The following GPC5 variants were observed in gnomAD, a reference collection of about 807,000 sequenced individuals.
GPC5 encodes the protein glypican 5.
A neutral mutation model predicts 53.9 loss-of-function variants in GPC5; 47 were observed. The observed-to-expected ratio is 0.87, with a 90% CI of 0.69 to 1.11. The LOEUF is 1.11. Ranked by LOEUF, GPC5 falls within the 50% of genes most tolerant of loss-of-function variation. The pLI is 0.00. For synonymous variants in GPC5, 286 were observed against 263.3 expected (o/e 1.09, Z -0.84); for missense variants, 748 against 713.1 (o/e 1.05, Z -0.56).
At chr13:92,563,455 A>T (rs528204334) in intron 7 of GPC5, among the ~76,000 whole-genome samples, 1 of 151,960 alleles carries the variant, frequency 6.6e-6, no homozygotes, top group Non-Finnish European at 1.5e-5. Context: ...TTTAACTTGC[A>T]TGAAATATAA....
chr13:92,730,018 T>C (rs1888756382), intron 7 of GPC5, among the ~76,000 whole-genome samples: 1 of 151,378 alleles, frequency 6.6e-6, no homozygotes, highest in Non-Finnish European at 1.5e-5. Flanking sequence ...GAAATAGAAA[T>C]ATAAACGAAT....
chr13:92,211,419 GC>G (rs1227252135), intron 7 of GPC5, among the ~76,000 whole-genome samples: 3 of 152,182 alleles, frequency 2.0e-5, no homozygotes, highest in Non-Finnish European at 1.5e-5. Flanking sequence ...AGTTGATTCT[GC>G]CCTCAGTTCT....
intron 6 of GPC5, among the ~76,000 whole-genome samples, chr13:92,051,247 G>T (rs901716605): frequency 1.1e-4 from 16 of 139,944 alleles, no homozygotes; most frequent in African/African-American, 2.7e-5. Flanking sequence ...CTGTCACCAG[G>T]CTGGAGTGCA....
At chr13:92,664,068 T>A (rs1886487759) in intron 7 of GPC5, among the ~76,000 whole-genome samples, 1 of 151,296 alleles carries the variant, frequency 6.6e-6, no homozygotes, top group African/African-American at 2.4e-5. Context: ...TGAGGCTCTG[T>A]CTAAAACAAA....
intron 6 of GPC5, among the ~76,000 whole-genome samples, chr13:92,004,251 C>G (rs1274483824): frequency 6.6e-6 from 1 of 151,390 alleles, no homozygotes; most frequent in Non-Finnish European, 1.5e-5. Flanking sequence ...TGGAGACCAT[C>G]CTGGCCAACA....
At chr13:92,337,520 A>T (rs937223788) in intron 7 of GPC5, among the ~76,000 whole-genome samples, 1 of 152,184 alleles carries the variant, frequency 6.6e-6, no homozygotes, top group Non-Finnish European at 1.5e-5. Context: ...GAAAGAGAAC[A>T]AAGTTGGAGA....
At chr13:91,665,796 C>T (rs2035098019) in intron 2 of GPC5, among the ~76,000 whole-genome samples, 1 of 152,162 alleles carries the variant, frequency 6.6e-6, no homozygotes, top group African/African-American at 2.4e-5. Flanking sequence ...TGAGCCAAGG[C>T]GCCTGGCCAA....
In GPC5 at chr13:92,347,919, ATATAT is replaced by A. The variant is rs1470182746; in HGVS notation, c.1561+202936_1561+202940del. Among the ~76,000 whole-genome samples the A allele has an allele frequency of 2.3e-4, 4 of 17,470 alleles. No individual in the cohort carries two copies. In the African/African-American group the frequency reaches 3.7e-3, roughly 16 times the overall value. The allele number at this position is 17,470 out of a possible 152,430, so 11.5% of individuals were successfully genotyped here. A position where few individuals can be genotyped will look rare whatever the true frequency, so the allele number is the denominator to read the frequency against. ...TATATATAATATATATATAATATAT[ATATAT>A]TATATATACATCTTATATGTAAACC... On this transcript the variant is annotated intron_variant, in intron 7 of 7. Transcript: ENST00000377067.
chr13:92,508,368 C>A (rs1880448939), intron 7 of GPC5, among the ~76,000 whole-genome samples: 1 of 152,164 alleles, frequency 6.6e-6, no homozygotes, highest in African/African-American at 2.4e-5. Flanking sequence ...AAGTCCTAAT[C>A]TGTGTCCTCA....
At chr13:92,787,697 A>G (rs1876298538) in intron 7 of GPC5, among the ~76,000 whole-genome samples, 1 of 148,340 alleles carries the variant, frequency 6.7e-6, no homozygotes, top group Non-Finnish European at 1.5e-5. Flanking sequence ...AAGAAAAGAA[A>G]GAAAGAAAGA....
At chr13:91,891,915 A>T (rs1352156663) in intron 5 of GPC5, among the ~76,000 whole-genome samples, 1 of 152,142 alleles carries the variant, frequency 6.6e-6, no homozygotes, top group Non-Finnish European at 1.5e-5. Flanking sequence ...ATGCCTCAAG[A>T]GAATTCAAAA....
At chr13:92,801,569 T>C (rs570107857) in intron 7 of GPC5, among the ~76,000 whole-genome samples, 101 of 151,880 alleles carry the variant, frequency 6.6e-4, no homozygotes, top group Admixed American at 1.5e-3. Context: ...TTAAAGTTAA[T>C]CCTTCAGGAG....
chr13:92,814,707 A>G (rs1242112367), intron 7 of GPC5, among the ~76,000 whole-genome samples: 1 of 151,838 alleles, frequency 6.6e-6, no homozygotes, highest in Non-Finnish European at 1.5e-5. Context: ...AAACTTCATC[A>G]AAATTAAGAA....
rs185143875 is a variant in GPC5, at chr13:91,687,743, A to C, written c.326-5444A>C. ...ATTCTCAATGAAAAACACACACACA[A>C]AAAATTTTATTCCTAATCTGTTTCT... On this transcript the variant is annotated intron_variant, in intron 2 of 7. Transcript: ENST00000377067. Among the ~76,000 whole-genome samples the C allele has an allele frequency of 3.0e-4, 45 of 152,146 alleles. 1 individual carries two copies. The highest frequency in any genetic ancestry group is 3.4e-3 in the Middle Eastern group (1 of 294).
chr13:91,724,917 T>C (rs1446530704), intron 3 of GPC5: 1 of 152,204 alleles, frequency 6.6e-6, no homozygotes, highest in Non-Finnish European at 1.5e-5. Context: ...TTGAGTCTAA[T>C]GAAAATAAAC....
At chr13:92,051,359 GC>G (rs1566413137) in intron 6 of GPC5, among the ~76,000 whole-genome samples, 1 of 151,696 alleles carries the variant, frequency 6.6e-6, no homozygotes. Flanking sequence ...ACACCACCAC[GC>G]CCAGCTAATT....
intron 7 of GPC5, among the ~76,000 whole-genome samples, chr13:92,487,296 T>C (rs1435079456): frequency 6.6e-6 from 1 of 152,172 alleles, no homozygotes; most frequent in Non-Finnish European, 1.5e-5. Context: ...GGAGACTATT[T>C]GGACAAATGA....
chr13:91,855,451 T>C (rs956185764), intron 5 of GPC5, among the ~76,000 whole-genome samples: 1 of 151,730 alleles, frequency 6.6e-6, no homozygotes, highest in Non-Finnish European at 1.5e-5. Context: ...TATGGAGTTA[T>C]GGAAAATTAG....
chr13:91,709,283 C>T lies in GPC5; in HGVS notation c.1020+15402C>T, dbSNP rs575733951. ...AGATAAAATATATTATGCTTGAAAT[C>T]TTCCAATGGTTTTTATTTACCTTAG... is the stretch of plus-strand genomic sequence containing the variant. On this transcript the variant is annotated intron_variant, in intron 3 of 7. Transcript: ENST00000377067. Among the ~76,000 whole-genome samples, 30 of 152,296 alleles carry T rather than the reference C, an allele frequency of 2.0e-4. No homozygotes were observed. In the South Asian group the frequency reaches 6.2e-3, roughly 32 times the overall value.
Sources: gnomAD v4.1 joint callset for allele counts (sites outside exome capture counted in the v4.1 genomes callset) on GRCh38, gnomAD v4.1.1 for gene constraint, MANE v1.5 for transcripts, NCBI Gene and HGNC (gene_info 2026-07-23, HGNC 2026-07-21) for gene names.